The following ERBB4 variants were observed in gnomAD, a reference collection of about 807,000 sequenced individuals.
ERBB4 encodes the protein erb-b2 receptor tyrosine kinase 4.
ERBB4 carries 42 observed loss-of-function variants against 158.0 expected under a neutral mutation model. That is an observed-to-expected ratio of 0.27 (90% CI 0.21 to 0.34). The LOEUF (loss-of-function observed/expected upper bound fraction) is 0.34. Among genes scored for constraint, ERBB4 ranks in the 10% least tolerant of loss-of-function variants. ERBB4 has a pLI of 1.00. For synonymous variants in ERBB4, 583 were observed against 558.7 expected, an observed-to-expected ratio of 1.04 and a Z score of -0.61; for missense variants, 1,333 against 1,624.1, an observed-to-expected ratio of 0.82 and a Z score of 3.08.
intron 3 of ERBB4, among the ~76,000 whole-genome samples, chr2:211,933,879 A>C (rs756964424): frequency 1.3e-5 from 2 of 152,036 alleles, no homozygotes; most frequent in Non-Finnish European, 2.9e-5. Flanking sequence ...AATATGTGCT[A>C]AATTTAAGTG....
At chr2:211,600,851 T>C (rs1221111512) in intron 19 of ERBB4, among the ~76,000 whole-genome samples, 1 of 152,116 alleles carries the variant, frequency 6.6e-6, no homozygotes, top group African/African-American at 2.4e-5. Flanking sequence ...ATATGTAATT[T>C]AGCAGCAGAC....
chr2:212,403,150 G>C, intron 1 of ERBB4, among the ~76,000 whole-genome samples: 1 of 152,138 alleles, frequency 6.6e-6, no homozygotes, highest in African/African-American at 2.4e-5. Flanking sequence ...TAGTAAAACA[G>C]ATCAAATAGA....
At chr2:211,678,024 A>T (rs2072155654) in intron 13 of ERBB4, among the ~76,000 whole-genome samples, 1 of 152,184 alleles carries the variant, frequency 6.6e-6, no homozygotes, top group African/African-American at 2.4e-5. Context: ...GTATGTTATG[A>T]TAAAGTGATT....
chr2:211,392,783 TCAGC>T, intron 25 of ERBB4, among the ~76,000 whole-genome samples: 1 of 152,226 alleles, frequency 6.6e-6, no homozygotes. Context: ...ATTCTCTGCC[TCAGC>T]CTCCCGAGTA....
In ERBB4 at chr2:211,748,245, ATAAT is replaced by A. The variant is rs922216555; in HGVS notation, c.622+2390_622+2393del. On this transcript the variant is annotated intron_variant, in intron 5 of 27. Transcript: ENST00000342788. ...ATAAAATAAGACACAGATGAAAATA[ATAAT>A]TAAAGTAATTATTTTAATTGTAATA... 1.4e-4 allele frequency among the ~76,000 whole-genome samples: 21 copies of A among 152,118 alleles called. No individual in the cohort carries two copies. In the South Asian group the frequency reaches 2.1e-3, roughly 15 times the overall value.
chr2:211,516,490 T>G (rs1389086219), intron 20 of ERBB4, among the ~76,000 whole-genome samples: 1 of 151,856 alleles, frequency 6.6e-6, no homozygotes, highest in African/African-American at 2.4e-5. Flanking sequence ...TGCGCCACCA[T>G]GACTGTCTAA....
chr2:211,376,228 A>C lies in ERBB4; in HGVS notation c.*7387T>G, dbSNP rs2062471526. 4.3e-6 allele frequency: 1 copy of C among 233,164 alleles called. No individual in the cohort carries two copies. The highest frequency in any genetic ancestry group is 8.5e-6 in the Non-Finnish European group (1 of 117,744). 14.4% of individuals were successfully genotyped at this position (233,164 alleles called of 1,614,324 possible). A position where few individuals can be genotyped will look rare whatever the true frequency, so the allele number is the denominator to read the frequency against. On this transcript the variant is annotated 3_prime_UTR_variant, in exon 28 of 28. Coordinates refer to ENST00000342788, the MANE Select transcript of ERBB4 (RefSeq NM_005235.3). ...TAGTGCTGAACACAGAATCACAAGT[A>C]ATGTCAAAATGATAACTTCCAACCA...
In ERBB4 at chr2:212,310,193, A is replaced by G. The variant is rs548840070; in HGVS notation, c.83-185290T>C. 2.7e-5 allele frequency among the ~76,000 whole-genome samples: 4 copies of G among 150,884 alleles called. No individual in the cohort carries two copies. The South Asian group carries it at 8.3e-4, about 31-fold the overall frequency. On this transcript the variant is annotated intron_variant, in intron 1 of 27. Transcript: ENST00000342788. ...TTAGAAATTCACCATTCTCCATGTT[A>G]TAACTATAATTATTAAAATTAACAC...
chr2:212,395,326 C>T (rs1269881015), intron 1 of ERBB4, among the ~76,000 whole-genome samples: 1 of 151,728 alleles, frequency 6.6e-6, no homozygotes, highest in Non-Finnish European at 1.5e-5. Flanking sequence ...TAGGGAGGAA[C>T]ATAAAGCTTT....
At chr2:211,460,387 T>A (rs1024445293) in intron 20 of ERBB4, among the ~76,000 whole-genome samples, 3 of 152,180 alleles carry the variant, frequency 2.0e-5, no homozygotes, top group African/African-American at 7.2e-5. Flanking sequence ...ATTTCCTGGA[T>A]AAATGAATAC....
intron 1 of ERBB4, among the ~76,000 whole-genome samples, chr2:212,345,947 T>C (rs998637928): frequency 3.1e-4 from 47 of 152,272 alleles, no homozygotes; most frequent in African/African-American, 1.0e-3. Flanking sequence ...ATAAATACAA[T>C]GTATATTTTA....
intron 20 of ERBB4, among the ~76,000 whole-genome samples, chr2:211,543,481 G>A (rs2066865970): frequency 6.6e-6 from 1 of 151,924 alleles, no homozygotes; most frequent in Non-Finnish European, 1.5e-5. Flanking sequence ...TGAGATTTTA[G>A]TTATTTGTTT....
At position 211,379,227 on chromosome 2, in the gene ERBB4, C is replaced by CT. The variant is rs200418476; in HGVS notation, c.*4387dup. 0.02 allele frequency: 4,018 copies of CT among 197,432 alleles called. 12 individuals carry two copies. The highest frequency in any genetic ancestry group is 0.034 in the Middle Eastern group (21 of 614). 12.2% of individuals were successfully genotyped at this position (197,432 alleles called of 1,614,324 possible). A position where few individuals can be genotyped will look rare whatever the true frequency, so the allele number is the denominator to read the frequency against. On this transcript the variant is annotated 3_prime_UTR_variant, in exon 28 of 28. Transcript: ENST00000342788. Reference sequence around the variant, plus strand: ...GTTTGCTAGCTAAATGACACCACTCCTTTTTTTTTTTGTCTCTGCATAAGG... The same window carrying CT: ...GTTTGCTAGCTAAATGACACCACTCCTTTTTTTTTTTTGTCTCTGCATAAGG...
At chr2:211,653,888 C>A (rs7603384) in intron 16 of ERBB4, among the ~76,000 whole-genome samples, 5,503 of 152,024 alleles carry the variant, frequency 0.036, 329 homozygotes, top group African/African-American at 0.12. Flanking sequence ...GTTAGCCAGG[C>A]TTGTCTCGTT....
chr2:212,216,868 A>G (rs2083115062), intron 1 of ERBB4, among the ~76,000 whole-genome samples: 1 of 151,428 alleles, frequency 6.6e-6, no homozygotes, highest in African/African-American at 2.4e-5. Flanking sequence ...GAAACCTATC[A>G]GAATGCAAGA....
chr2:211,793,651 A>G (rs1303963980), intron 3 of ERBB4, among the ~76,000 whole-genome samples: 3 of 152,038 alleles, frequency 2.0e-5, no homozygotes, highest in Non-Finnish European at 1.5e-5. Flanking sequence ...TACAAAAGTA[A>G]TATAGCTCAC....
chr2:211,872,529 T>C (rs2078378907), intron 3 of ERBB4, among the ~76,000 whole-genome samples: 1 of 152,176 alleles, frequency 6.6e-6, no homozygotes, highest in Admixed American at 6.5e-5. Flanking sequence ...AAAATAGATT[T>C]CCAAATTATC....
chr2:212,518,167 A>G (rs1189648272), intron 1 of ERBB4, among the ~76,000 whole-genome samples: 1 of 152,082 alleles, frequency 6.6e-6, no homozygotes, highest in Non-Finnish European at 1.5e-5. Flanking sequence ...CTAAAACACT[A>G]TAAGCTAATT....
At chr2:212,275,795 T>A (rs955769278) in intron 1 of ERBB4, among the ~76,000 whole-genome samples, 2 of 151,826 alleles carry the variant, frequency 1.3e-5, no homozygotes, top group Non-Finnish European at 2.9e-5. Context: ...CCAACTAGCA[T>A]CATAATGACA....
Sources: allele counts gnomAD v4.1 joint callset (sites outside exome capture counted in the v4.1 genomes callset), GRCh38; gene constraint gnomAD v4.1.1; transcripts MANE v1.5; gene names NCBI Gene and HGNC (gene_info 2026-07-23, HGNC 2026-07-21).